The following SMIM45 variants were observed in gnomAD, a reference collection of about 807,000 sequenced individuals.
SMIM45 encodes small integral membrane protein 45.
At chr22:41,950,259 G>T in the SMIM45 span, among the ~76,000 whole-genome samples, 1 of 152,142 alleles carries the variant, frequency 6.6e-6, no homozygotes, top group South Asian at 2.1e-4. Flanking sequence ...TATTTCAAGG[G>T]TACAATTTGA....
chr22:41,953,740 GTTTTTTTTTTTTT>G, the SMIM45 span, among the ~76,000 whole-genome samples: 6,427 of 89,320 alleles, frequency 0.072, 516 homozygotes, highest in African/African-American at 0.2. Flanking sequence ...TCTGTGATCT[GTTTTTTTTTTTTT>G]TTTTTTTTTT....
At chr22:41,954,605 C>T in the SMIM45 span, among the ~76,000 whole-genome samples, 2 of 152,230 alleles carry the variant, frequency 1.3e-5, no homozygotes, top group African/African-American at 4.8e-5. Context: ...GCATAATGTG[C>T]AGGCGCATGT....
chr22:41,947,557 G>A, the SMIM45 span, among the ~76,000 whole-genome samples: 1 of 151,778 alleles, frequency 6.6e-6, no homozygotes, highest in Non-Finnish European at 1.5e-5. Flanking sequence ...TAGTAGAGAC[G>A]GGGTTTCTCC....
the SMIM45 span, among the ~76,000 whole-genome samples, chr22:41,955,329 G>C: frequency 2.0e-5 from 3 of 151,912 alleles, no homozygotes; most frequent in Non-Finnish European, 4.4e-5. Context: ...ACAAGCATGT[G>C]CCACCACACC....
chr22:41,949,710 A>G, the SMIM45 span, among the ~76,000 whole-genome samples: 1 of 152,128 alleles, frequency 6.6e-6, no homozygotes, highest in Non-Finnish European at 1.5e-5. Flanking sequence ...GGGAGTTACC[A>G]CTTGTAACAA....
chr22:41,950,283 T>C, the SMIM45 span, among the ~76,000 whole-genome samples: 1 of 152,202 alleles, frequency 6.6e-6, no homozygotes, highest in Non-Finnish European at 1.5e-5. Context: ...GTTTGACATA[T>C]GTATATACTT....
chr22:41,947,039 A>C, the SMIM45 span: 2 of 1,612,924 alleles, frequency 1.2e-6, no homozygotes, highest in Non-Finnish European at 8.5e-7. Flanking sequence ...GGCCGTGTTC[A>C]GGCCGGGCAG....
the SMIM45 span, among the ~76,000 whole-genome samples, chr22:41,949,639 G>T: frequency 6.6e-6 from 1 of 152,216 alleles, no homozygotes; most frequent in Non-Finnish European, 1.5e-5. Context: ...GACCCATTGG[G>T]TCAGCATGTG....
chr22:41,952,598 G>A, the SMIM45 span, among the ~76,000 whole-genome samples: 2 of 152,042 alleles, frequency 1.3e-5, no homozygotes, highest in East Asian at 1.9e-4. Context: ...ACAGGGGACC[G>A]TGAGGCCCAG....
the SMIM45 span, among the ~76,000 whole-genome samples, chr22:41,949,269 T>G: frequency 1.3e-5 from 2 of 151,356 alleles, no homozygotes; most frequent in Non-Finnish European, 2.9e-5. Flanking sequence ...AAAGATAAAC[T>G]AAAGCTGTCT....
the SMIM45 span, among the ~76,000 whole-genome samples, chr22:41,949,818 C>T: frequency 6.6e-6 from 1 of 152,162 alleles, no homozygotes; most frequent in African/African-American, 2.4e-5. Flanking sequence ...GCCTGCACTC[C>T]ACTTCACCGG....
At chr22:41,958,390 C>T in the SMIM45 span, 3 of 456,452 alleles carry the variant, frequency 6.6e-6, no homozygotes, top group African/African-American at 6.0e-5. Flanking sequence ...GCCAGACCAG[C>T]CGCACCCCGC....
chr22:41,958,121 TCACCCAGAGCC>T, the SMIM45 span: 2 of 339,574 alleles, frequency 5.9e-6, no homozygotes, highest in Non-Finnish European at 1.2e-5. Flanking sequence ...TCAAGCCGAC[TCACCCAGAGCC>T]CACCCTCCCA....
the SMIM45 span, among the ~76,000 whole-genome samples, chr22:41,949,053 G>A: frequency 2.6e-5 from 4 of 152,006 alleles, no homozygotes; most frequent in Non-Finnish European, 5.9e-5. Context: ...CAACAAGAGC[G>A]AAACTCCATC....
At chr22:41,957,227 T>A in the SMIM45 span, among the ~76,000 whole-genome samples, 12 of 125,810 alleles carry the variant, frequency 9.5e-5, no homozygotes, top group African/African-American at 3.7e-4. Flanking sequence ...GGAGTATCGC[T>A]CTGTCACCCA....
chr22:41,948,707 C>T, the SMIM45 span, among the ~76,000 whole-genome samples: 1 of 152,098 alleles, frequency 6.6e-6, no homozygotes, highest in African/African-American at 2.4e-5. Context: ...CACTTGAGGC[C>T]GGGAGTTTGA....
chr22:41,948,755 A>C, the SMIM45 span, among the ~76,000 whole-genome samples: 3 of 151,948 alleles, frequency 2.0e-5, no homozygotes, highest in Admixed American at 2.0e-4. Flanking sequence ...TCATCTCTAC[A>C]AAAAAATTTT....
the SMIM45 span, among the ~76,000 whole-genome samples, chr22:41,954,591 G>T: frequency 1.3e-5 from 2 of 152,214 alleles, no homozygotes; most frequent in Admixed American, 1.3e-4. Context: ...CAAAGATGAG[G>T]ACTGCATAAT....
chr22:41,947,212 T>C, the SMIM45 span: 2 of 751,496 alleles, frequency 2.7e-6, no homozygotes, highest in East Asian at 5.4e-5. Context: ...ACGGGGCCTC[T>C]TAAAGGAACC....
Sources: allele counts gnomAD v4.1 joint callset (sites outside exome capture counted in the v4.1 genomes callset), GRCh38; gene constraint gnomAD v4.1.1; transcripts MANE v1.5; gene names NCBI Gene and HGNC (gene_info 2026-07-23, HGNC 2026-07-21).